Variants in PARD3 observed in about 807,000 individuals in gnomAD.
PARD3 encodes par-3 family cell polarity regulator.
In PARD3, 75 loss-of-function variants were observed where a neutral mutation model predicts 155.4. The observed-to-expected ratio is 0.48, with a 90% CI of 0.40 to 0.58. PARD3 has a LOEUF of 0.58. Ranked by LOEUF, PARD3 falls within the 20% of genes least tolerant of loss-of-function variation. The probability of loss-of-function intolerance (pLI) is 0.00; values close to 1 mark genes in which losing one functional copy is unlikely to be tolerated. For synonymous variants in PARD3, 576 were observed against 610.5 expected, an observed-to-expected ratio of 0.94 and a Z score of 0.83; for missense variants, 1,642 against 1,721.7, an observed-to-expected ratio of 0.95 and a Z score of 0.82.
rs191023494 is a variant in PARD3, at chr10:34,441,094, C to T, written c.714+9223G>A. Among the ~76,000 whole-genome samples, 76 of 152,006 alleles carry T rather than the reference C, an allele frequency of 5.0e-4. No individual in the cohort carries two copies. The East Asian group carries it at 0.012, about 24-fold the overall frequency. Reference sequence around the variant, plus strand: ...TGCCACGGAAGCAAAAATCAAATTGCGAAATGACGATGGGGGCATTAGAAA... The same window carrying T: ...TGCCACGGAAGCAAAAATCAAATTGTGAAATGACGATGGGGGCATTAGAAA... On this transcript the variant is annotated intron_variant, in intron 5 of 24. Coordinates refer to ENST00000374788, the MANE Select transcript of PARD3 (RefSeq NM_001184785.2).
intron 12 of PARD3, among the ~76,000 whole-genome samples, chr10:34,363,458 T>C (rs927202490): frequency 2.0e-5 from 3 of 152,224 alleles, no homozygotes; most frequent in Non-Finnish European, 2.9e-5. Flanking sequence ...TATTAATCCA[T>C]TTGGCTTTTG....
At chr10:34,604,471 C>T (rs1400191899) in intron 2 of PARD3, among the ~76,000 whole-genome samples, 1 of 151,810 alleles carries the variant, frequency 6.6e-6, no homozygotes, top group Non-Finnish European at 1.5e-5. Flanking sequence ...CAAGATCTTC[C>T]GTTTTGGGAC....
At chr10:34,636,366 C>T (rs570025585) in intron 2 of PARD3, among the ~76,000 whole-genome samples, 1 of 152,316 alleles carries the variant, frequency 6.6e-6, no homozygotes, top group South Asian at 2.1e-4. Context: ...GGGCTCGGGG[C>T]TAACACCCCT....
At chr10:34,263,011 T>C (rs1261084090) in intron 22 of PARD3, among the ~76,000 whole-genome samples, 1 of 152,246 alleles carries the variant, frequency 6.6e-6, no homozygotes, top group Non-Finnish European at 1.5e-5. Flanking sequence ...GACCAAGCTA[T>C]TTAATGAAGG....
intron 3 of PARD3, among the ~76,000 whole-genome samples, chr10:34,495,724 T>A (rs1331296642): frequency 6.6e-6 from 1 of 151,352 alleles, no homozygotes; most frequent in Non-Finnish European, 1.5e-5. Flanking sequence ...CTTAGAGGGG[T>A]CTGGTTATTC....
At chr10:34,650,148 C>T (rs1564460563) in intron 2 of PARD3, among the ~76,000 whole-genome samples, 2 of 152,128 alleles carry the variant, frequency 1.3e-5, no homozygotes, top group African/African-American at 2.4e-5. Flanking sequence ...ATAAAAAGTA[C>T]AGTAAATACA....
intron 1 of PARD3, among the ~76,000 whole-genome samples, chr10:34,776,923 G>A (rs1212735884): frequency 6.7e-6 from 1 of 148,334 alleles, no homozygotes; most frequent in Non-Finnish European, 1.5e-5. Flanking sequence ...TGCAACCTCT[G>A]CCTCCCAAGT....
intron 22 of PARD3, among the ~76,000 whole-genome samples, chr10:34,211,681 G>A (rs12258860): frequency 8.8e-4 from 134 of 152,196 alleles, no homozygotes; most frequent in African/African-American, 3.0e-3. Context: ...TGGGGAGCGT[G>A]AGGCAGGAGA....
chr10:34,203,582 T>C (rs756063542), intron 22 of PARD3, among the ~76,000 whole-genome samples: 6 of 152,242 alleles, frequency 3.9e-5, no homozygotes, highest in Non-Finnish European at 7.3e-5. Context: ...TGATACCTAA[T>C]ACAATGCAAA....
intron 22 of PARD3, among the ~76,000 whole-genome samples, chr10:34,263,938 A>C (rs1267316488): frequency 6.6e-6 from 1 of 152,224 alleles, no homozygotes; most frequent in Non-Finnish European, 1.5e-5. Context: ...AATATTGTGG[A>C]AATTATTTGA....
chr10:34,488,102 T>C (rs1337712957), intron 3 of PARD3, among the ~76,000 whole-genome samples: 2 of 152,128 alleles, frequency 1.3e-5, no homozygotes, highest in Non-Finnish European at 2.9e-5. Flanking sequence ...TTTGCCAGTT[T>C]TCTGTCACCT....
At chr10:34,799,437 G>A (rs930249333) in intron 1 of PARD3, among the ~76,000 whole-genome samples, 2 of 152,028 alleles carry the variant, frequency 1.3e-5, no homozygotes, top group African/African-American at 4.8e-5. Context: ...CTGGCCCAGA[G>A]GCCACACCAG....
rs182035072 is a variant in PARD3 at position 34,637,795 on chromosome 10, A to G, written c.222+58523T>C. On this transcript the variant is annotated intron_variant, in intron 2 of 24. Transcript: ENST00000374788. ...AGTTGAAGGAGCAAGAGAAACAAAA[A>G]CAGAAGTGAACCTAAGAGAAAAACC... 3.0e-3 allele frequency among the ~76,000 whole-genome samples: 456 copies of G among 152,342 alleles called. 2 individuals are homozygous for G. Among genetic ancestry groups the G allele is most frequent in the African/African-American group, 0.01 (431 of 41,574 alleles).
intron 1 of PARD3, among the ~76,000 whole-genome samples, chr10:34,750,634 A>G (rs1835908092): frequency 6.6e-6 from 1 of 152,124 alleles, no homozygotes; most frequent in East Asian, 1.9e-4. Flanking sequence ...ATTAAGTTTT[A>G]TAAATGTTAA....
In PARD3 at chr10:34,123,546, G is replaced by T. The variant is rs553596389; in HGVS notation, c.3541-3806C>A. On this transcript the variant is annotated intron_variant, in intron 23 of 24. Coordinates refer to ENST00000374788, the MANE Select transcript of PARD3 (RefSeq NM_001184785.2). ...AGCCTCAAACTCCTGGGCTCAAGCT[G>T]TCCTCAGTAGCCAGGACTACAGGTA... Among the ~76,000 whole-genome samples the T allele has an allele frequency of 6.6e-5, 10 of 152,104 alleles. No homozygotes were observed. The South Asian group carries it at 1.2e-3, about 19-fold the overall frequency.
At chr10:34,606,816 A>T (rs2090497540) in intron 2 of PARD3, among the ~76,000 whole-genome samples, 1 of 150,322 alleles carries the variant, frequency 6.7e-6, no homozygotes, top group African/African-American at 2.5e-5. Context: ...AAAATACAAA[A>T]ATTAGCTGGG....
intron 22 of PARD3, among the ~76,000 whole-genome samples, chr10:34,211,920 G>A (rs11597106): frequency 0.19 from 28,717 of 151,936 alleles, 2,938 homozygotes; most frequent in Middle Eastern, 0.31. Flanking sequence ...GCTCTTTCTG[G>A]TATTTGGGGA....
intron 22 of PARD3, among the ~76,000 whole-genome samples, chr10:34,187,282 A>G (rs1323101257): frequency 6.6e-6 from 1 of 152,220 alleles, no homozygotes; most frequent in Non-Finnish European, 1.5e-5. Context: ...TCTCAGTGCT[A>G]TTGAAGTGGC....
chr10:34,241,033 T>C (rs1953555288), intron 22 of PARD3, among the ~76,000 whole-genome samples: 1 of 152,136 alleles, frequency 6.6e-6, no homozygotes, highest in Non-Finnish European at 1.5e-5. Flanking sequence ...TCTGCTCTCC[T>C]AGAGTTACAC....
Sources: gnomAD v4.1 joint callset for allele counts (sites outside exome capture counted in the v4.1 genomes callset) on GRCh38, gnomAD v4.1.1 for gene constraint, MANE v1.5 for transcripts, NCBI Gene and HGNC (gene_info 2026-07-23, HGNC 2026-07-21) for gene names.